The following PLEKHG1 variants were observed in gnomAD, a reference collection of about 807,000 sequenced individuals.
The protein encoded by PLEKHG1 is pleckstrin homology and RhoGEF domain containing G1.
In PLEKHG1, 44 loss-of-function variants were observed where a neutral mutation model predicts 100.8. That is an observed-to-expected ratio of 0.44 (90% confidence interval 0.34 to 0.56). The LOEUF (loss-of-function observed/expected upper bound fraction) is 0.56, where lower values mean the gene tolerates loss of function less well. Among genes scored for constraint, PLEKHG1 ranks in the 20% least tolerant of loss-of-function variants. PLEKHG1 has a pLI of 0.01. For synonymous variants in PLEKHG1, 640 were observed against 662.5 expected (o/e 0.97, Z 0.52); for missense variants, 1,545 against 1,720.9 (o/e 0.90, Z 1.81).
At position 150,840,404 on chromosome 6, in the gene PLEKHG1, G is replaced by C; in HGVS notation, c.3666G>C (p.Leu1222Phe). The C allele has an allele frequency of 5.0e-6, 8 of 1,614,190 alleles. No individual in the cohort carries two copies. The highest frequency in any genetic ancestry group is 5.9e-6 in the Non-Finnish European group (7 of 1,180,024). ...CAAGGTGTGAGAGTCACCAGGACTT[G>C]CTGCCAGATATTGCTGACTCGCATC... Residue 1222 changes from leucine (L) to phenylalanine (F), a missense_variant, in exon 16 of 16, where the codon TTG (leucine) becomes TTC (phenylalanine). Coordinates refer to ENST00000358517, the Ensembl canonical transcript of PLEKHG1.
chr6:150,627,467 T>C (rs1352017967), intron 1 of PLEKHG1, among the ~76,000 whole-genome samples: 1 of 151,900 alleles, frequency 6.6e-6, no homozygotes, highest in Non-Finnish European at 1.5e-5. Context: ...ATCCCAAGGG[T>C]GAAGAGAAAC....
At chr6:150,678,796 T>C (rs904456364) in intron 3 of PLEKHG1, among the ~76,000 whole-genome samples, 2 of 152,234 alleles carry the variant, frequency 1.3e-5, no homozygotes. Flanking sequence ...TGTTAGGAAT[T>C]GGTTCTAACC....
chr6:150,724,558 C>CTTTTTTTTTTTTTTTT (rs34140367), intron 1 of PLEKHG1, among the ~76,000 whole-genome samples: 6 of 100,476 alleles, frequency 6.0e-5, no homozygotes, highest in African/African-American at 1.2e-4. Flanking sequence ...TTTTCTTTTT[C>CTTTTTTTTTTTTTTTT]TTTTTTTTTT....
At chr6:150,746,089 G>A (rs1219125870) in intron 2 of PLEKHG1, among the ~76,000 whole-genome samples, 1 of 152,180 alleles carries the variant, frequency 6.6e-6, no homozygotes, top group Non-Finnish European at 1.5e-5. Flanking sequence ...TTGACAGACT[G>A]ATGTGAATGG....
chr6:150,735,665 G>T (rs1157686086), intron 2 of PLEKHG1, among the ~76,000 whole-genome samples: 4 of 152,160 alleles, frequency 2.6e-5, no homozygotes, highest in Non-Finnish European at 4.4e-5. Context: ...ATTTGTACTT[G>T]AGAAGAAATA....
intron 15 of PLEKHG1, among the ~76,000 whole-genome samples, chr6:150,837,020 G>A (rs1777259614): frequency 6.6e-6 from 1 of 152,048 alleles, no homozygotes; most frequent in Admixed American, 6.6e-5. Context: ...AAATTAGCCA[G>A]GCGTGGTGGT....
intron 3 of PLEKHG1, among the ~76,000 whole-genome samples, chr6:150,715,475 A>AC (rs111836483): frequency 6.9e-6 from 1 of 145,116 alleles, no homozygotes; most frequent in Non-Finnish European, 1.5e-5. Context: ...GTTCATCACT[A>AC]TTTTTTTTCT....
chr6:150,603,673 T>TA (rs150269179), intron 1 of PLEKHG1, among the ~76,000 whole-genome samples: 2,339 of 151,652 alleles, frequency 0.015, 54 homozygotes, highest in African/African-American at 0.054. Context: ...AACCTAAGGT[T>TA]AAAAAAAACA....
intron 2 of PLEKHG1, among the ~76,000 whole-genome samples, chr6:150,751,821 A>G (rs1180212300): frequency 6.6e-6 from 1 of 152,198 alleles, no homozygotes; most frequent in Non-Finnish European, 1.5e-5. Context: ...TATGGCCCAG[A>G]GCAAAACTGA....
intron 14 of PLEKHG1, chr6:150,827,631 C>T (rs1489566681): frequency 1.3e-6 from 1 of 796,312 alleles, no homozygotes; most frequent in Non-Finnish European, 2.3e-6. Flanking sequence ...TTCAGCGGCA[C>T]AGCTGGCTTG....
chr6:150,694,918 A>G (rs1780486327), intron 3 of PLEKHG1, among the ~76,000 whole-genome samples: 1 of 152,146 alleles, frequency 6.6e-6, no homozygotes, highest in Non-Finnish European at 1.5e-5. Context: ...AAATTTTTAT[A>G]CATCTAAAGT....
intron 2 of PLEKHG1, among the ~76,000 whole-genome samples, chr6:150,745,359 C>CT (rs1478938096): frequency 2.0e-5 from 3 of 152,166 alleles, no homozygotes; most frequent in African/African-American, 7.2e-5. Flanking sequence ...TGCTTGAACT[C>CT]TATGACGCAT....
In PLEKHG1 at chr6:150,783,042, A is replaced by G. The variant is rs1412157558; in HGVS notation, c.513-3348A>G. Among the ~76,000 whole-genome samples, 3 of 152,034 alleles carry G rather than the reference A, an allele frequency of 2.0e-5. No individual in the cohort carries two copies. The South Asian group carries it at 6.2e-4, about 32-fold the overall frequency. Reference sequence around the variant, plus strand: ...GGAAATAAGGGAAGATTTTGCACGCATGAAATAAGAACAAAAGCATAAGCA... The same window carrying G: ...GGAAATAAGGGAAGATTTTGCACGCGTGAAATAAGAACAAAAGCATAAGCA... On this transcript the variant is annotated intron_variant, in intron 3 of 15. Coordinates refer to ENST00000358517, the Ensembl canonical transcript of PLEKHG1.
At chr6:150,826,377 G>A (rs979114635) in intron 14 of PLEKHG1, among the ~76,000 whole-genome samples, 2 of 152,182 alleles carry the variant, frequency 1.3e-5, no homozygotes, top group Non-Finnish European at 2.9e-5. Flanking sequence ...AGAATCACTT[G>A]AACCCGGGAG....
chr6:150,791,825 C>T (rs979420035), intron 4 of PLEKHG1, among the ~76,000 whole-genome samples: 23 of 152,048 alleles, frequency 1.5e-4, no homozygotes, highest in African/African-American at 5.1e-4. Context: ...AAACTGTATC[C>T]GGTTGGTGGC....
At chr6:150,800,861 C>T (rs1456689650) in exon 6 of PLEKHG1, 12 of 1,613,896 alleles carry the variant, frequency 7.4e-6, no homozygotes, top group Admixed American at 1.7e-5. Context: ...GTATCATCTC[C>T]TTCTGCATGT....
chr6:150,801,529 C>G (rs535531447), intron 6 of PLEKHG1, among the ~76,000 whole-genome samples: 1 of 150,288 alleles, frequency 6.7e-6, no homozygotes, highest in Non-Finnish European at 1.5e-5. Flanking sequence ...CCTCCGCCTC[C>G]TGGGCTCAAG....
chr6:150,676,005 A>G (rs1042323731), intron 3 of PLEKHG1, among the ~76,000 whole-genome samples: 1 of 149,172 alleles, frequency 6.7e-6, no homozygotes. Flanking sequence ...ACCACAAGCC[A>G]TATAATATAT....
rs946277511 is a variant in PLEKHG1, at chr6:150,600,222, G to T, written c.-204+205G>T. On this transcript the variant is annotated intron_variant, in intron 1 of 3. Coordinates refer to the PLEKHG1 transcript ENST00000367326. This position sits in a 1 kb window ranked among gnomAD's most constrained non-coding sequence, Gnocchi z 6.2. ...GAGCGGTGGGGACAGAGGGCGCCGG[G>T]GGCACCGCGCGGTGGGGACGGAGGG... 1.3e-5 allele frequency among the ~76,000 whole-genome samples: 2 copies of T among 151,344 alleles called. No homozygotes were observed. Among genetic ancestry groups the T allele is most frequent in the African/African-American group, 4.8e-5 (2 of 41,268 alleles).
Sources: gnomAD v4.1 joint callset for allele counts (sites outside exome capture counted in the v4.1 genomes callset) on GRCh38, gnomAD v4.1.1 for gene constraint, Gnocchi (gnomAD v3.1) non-coding constraint, MANE v1.5 for transcripts, NCBI Gene and HGNC (gene_info 2026-07-23, HGNC 2026-07-21) for gene names.